PACRGL: variants seen among roughly 807,000 people sequenced by gnomAD.
PACRGL encodes the protein PACRG-like protein.
Under a neutral mutation model 34.5 loss-of-function variants are expected in PACRGL, and 38 were observed. The observed-to-expected ratio is 1.10, with a 90% CI of 0.85 to 1.44. PACRGL has a LOEUF of 1.44. PACRGL is among the 40% of genes most tolerant of loss of function. The pLI is 0.00. For synonymous variants in PACRGL, 128 were observed against 100.1 expected (o/e 1.28, Z -1.66); for missense variants, 305 against 281.4 (o/e 1.08, Z -0.60).
At chr4:20,702,051 T>C (rs1732409388) in intron 1 of PACRGL, 7 of 438,672 alleles carry the variant, frequency 1.6e-5, no homozygotes, top group Non-Finnish European at 3.2e-5. Flanking sequence ...CTGTAGAAGC[T>C]CGATTTTCTA....
intron 7 of PACRGL, among the ~76,000 whole-genome samples, chr4:20,720,219 G>A (rs553249899): frequency 6.6e-6 from 1 of 151,992 alleles, no homozygotes; most frequent in Non-Finnish European, 1.5e-5. Flanking sequence ...GAGCCTATGT[G>A]TGTCTCTGCA....
chr4:20,706,297 A>G (rs1467354936), intron 3 of PACRGL, among the ~76,000 whole-genome samples: 1 of 152,120 alleles, frequency 6.6e-6, no homozygotes, highest in African/African-American at 2.4e-5. Flanking sequence ...GGTATATTGA[A>G]ATTTTAGGGA....
chr4:20,732,699 G>A (rs368576905), downstream of PACRGL: 34 of 1,609,992 alleles, frequency 2.1e-5, no homozygotes, highest in African/African-American at 5.3e-5. Context: ...ATGTTTCAAC[G>A]TGTTGTCTGG....
chr4:20,750,553 ATTC>A (rs1192661392), intron 8 of PACRGL, among the ~76,000 whole-genome samples: 2 of 150,990 alleles, frequency 1.3e-5, no homozygotes, highest in African/African-American at 2.4e-5. Context: ...TCTATTGGGT[ATTC>A]TTCCCCTCTC....
rs1426571103 is a variant in PACRGL at position 20,700,611 on chromosome 4, G to T, written c.-193G>T. On this transcript the variant is annotated 5_prime_UTR_variant, in exon 1 of 9. Coordinates refer to ENST00000503585, the MANE Select transcript of PACRGL (RefSeq NM_001258345.3). Reference sequence around the variant, plus strand: ...CGGGTCCCCGGAGCCGTGAACCGCGGGTACAGGTGTCCTGTCTGCGCTCTC... The same window carrying T: ...CGGGTCCCCGGAGCCGTGAACCGCGTGTACAGGTGTCCTGTCTGCGCTCTC... 1.3e-5 allele frequency: 2 copies of T among 152,104 alleles called. No homozygotes were observed. Among genetic ancestry groups the T allele is most frequent in the African/African-American group, 4.8e-5 (2 of 41,414 alleles). 9.4% of individuals were successfully genotyped at this position (152,104 alleles called of 1,614,324 possible).
At chr4:20,762,372 A>G in the PACRGL span, among the ~76,000 whole-genome samples, 4 of 152,240 alleles carry the variant, frequency 2.6e-5, no homozygotes, top group African/African-American at 9.6e-5. Flanking sequence ...GGACACAAAC[A>G]TTCAGACCAT....
intron 1 of PACRGL, chr4:20,702,228 A>G (rs2149030357): frequency 2.2e-6 from 1 of 456,586 alleles, no homozygotes; most frequent in Non-Finnish European, 4.4e-6. Context: ...ATTGGTAGGT[A>G]GTATTGAAAA....
chr4:20,759,548 T>C, the PACRGL span, among the ~76,000 whole-genome samples: 1 of 152,108 alleles, frequency 6.6e-6, no homozygotes, highest in Non-Finnish European at 1.5e-5. Context: ...ATGATGGACA[T>C]TGATCTTGGG....
At position 20,731,521 on chromosome 4, in the gene PACRGL, T is replaced by C. The variant is rs916700717; in HGVS notation, c.*4180T>C. ...TTTATTTTTTGTGACTGAAGACCAT[T>C]AGTGAGTTCAGTCAAAGAGCCATTT... On this transcript the variant is annotated 3_prime_UTR_variant, in exon 9 of 9. Transcript: ENST00000503585. 14 of 985,284 alleles carry C rather than the reference T, an allele frequency of 1.4e-5. No homozygotes were observed. Among genetic ancestry groups the C allele is most frequent in the Non-Finnish European group, 1.4e-5 (12 of 829,920 alleles). 61.0% of individuals were successfully genotyped at this position (985,284 alleles called of 1,614,324 possible).
chr4:20,730,169 C>G lies in PACRGL; in HGVS notation c.*2828C>G. ...CACAGAGCGATTAAATTCAGCATAT[C>G]TGCAAGGAAAAGTACACTATTTTGC... is the stretch of plus-strand genomic sequence containing the variant. On this transcript the variant is annotated 3_prime_UTR_variant, in exon 9 of 9. Transcript: ENST00000503585. 1 of 1,582,306 alleles carries G rather than the reference C, an allele frequency of 6.3e-7. No homozygotes were observed. Among genetic ancestry groups the G allele is most frequent in the Non-Finnish European group, 8.6e-7 (1 of 1,165,702 alleles).
chr4:20,707,784 T>C lies in PACRGL; in HGVS notation c.208-19T>C, dbSNP rs1327838097. 6.2e-7 allele frequency: 1 copy of C among 1,607,868 alleles called. No homozygotes were observed. The highest frequency in any genetic ancestry group is 1.1e-5 in the South Asian group (1 of 90,906). Reference sequence around the variant, plus strand: ...CTCAGAAGTATAGGTGATAGTAATATTTTCATTTTTTATTTTAGTTTGGTG... The same window carrying C: ...CTCAGAAGTATAGGTGATAGTAATACTTTCATTTTTTATTTTAGTTTGGTG... On this transcript the variant is annotated intron_variant, in intron 3 of 8. Coordinates refer to ENST00000503585, the MANE Select transcript of PACRGL (RefSeq NM_001258345.3).
chr4:20,712,794 A>G lies in PACRGL; in HGVS notation c.373A>G (p.Arg125Gly). 1 of 1,554,382 alleles carries G rather than the reference A, an allele frequency of 6.4e-7. No homozygotes were observed. Among genetic ancestry groups the G allele is most frequent in the South Asian group, 1.2e-5 (1 of 80,994 alleles). The change falls in exon 6 of 9, where the codon AGA (arginine) becomes GGA (glycine). Residue 125 changes from arginine to glycine, a missense_variant. Physicochemically the swap from Arg to Gly is moderately radical, Grantham distance 125. Transcript: ENST00000503585. ...TCCTCTTGGTCTTTGTCAGGGTCTGAGAGAGACTAAGCATCCATACACTTT... is the reference window on the plus strand; with the variant it reads ...TCCTCTTGGTCTTTGTCAGGGTCTGGGAGAGACTAAGCATCCATACACTTT... Reference protein sequence around the residue: ...PLLITLAEGLRETKHPYTFVS... With the variant: ...PLLITLAEGLGETKHPYTFVS...
At chr4:20,756,554 A>G (rs1754474499), downstream of PACRGL, among the ~76,000 whole-genome samples, 1 of 152,082 alleles carries the variant, frequency 6.6e-6, no homozygotes, top group African/African-American at 2.4e-5. Context: ...TCACTCTTCC[A>G]GCAAAGCTTT....
intron 7 of PACRGL, 115 bp from the exon 8 acceptor site, chr4:20,724,693 C>G (rs1485874964): frequency 8.6e-6 from 4 of 466,898 alleles, no homozygotes; most frequent in Non-Finnish European, 1.4e-5. Context: ...GAGATGCTTC[C>G]TAAAAAAAGC....
At position 20,700,589 on chromosome 4, in the gene PACRGL, G is replaced by A. The variant is rs1217613781; in HGVS notation, c.-215G>A. 2 of 152,148 alleles carry A rather than the reference G, an allele frequency of 1.3e-5. No individual in the cohort carries two copies. The highest frequency in any genetic ancestry group is 2.1e-4 in the South Asian group (1 of 4,820). 9.4% of individuals were successfully genotyped at this position (152,148 alleles called of 1,614,324 possible). On this transcript the variant is annotated 5_prime_UTR_variant, in exon 1 of 9. Transcript: ENST00000503585. ...CGGGAGAGAGGCGCGGTAGGAACGG[G>A]TCCCCGGAGCCGTGAACCGCGGGTA...
chr4:20,707,917 G>A (rs201041637), intron 4 of PACRGL, 47 bp downstream of exon 4: 2 of 1,330,094 alleles, frequency 1.5e-6, no homozygotes, highest in African/African-American at 2.9e-5. Flanking sequence ...CAAAATCATT[G>A]AGTAAAATGA....
downstream of PACRGL, among the ~76,000 whole-genome samples, chr4:20,736,200 A>G (rs1391594057): frequency 2.0e-5 from 3 of 152,222 alleles, no homozygotes; most frequent in Non-Finnish European, 2.9e-5. Context: ...ATACACAAGT[A>G]TAAGATATAT....
At chr4:20,762,338 G>T in the PACRGL span, among the ~76,000 whole-genome samples, 1 of 152,136 alleles carries the variant, frequency 6.6e-6, no homozygotes, top group Non-Finnish European at 1.5e-5. Flanking sequence ...TGGGGGTTAG[G>T]ATTTCAACAT....
In PACRGL at chr4:20,730,074, T is replaced by G; in HGVS notation, c.*2733T>G. The stretch of plus-strand genomic sequence containing the variant: ...TTTGTCTGTTGGATTCAGGATCTAT[T>G]TGACAAGTTAAATCACATTTTCAAA... On this transcript the variant is annotated 3_prime_UTR_variant, in exon 9 of 9. Transcript: ENST00000503585. 6.2e-7 allele frequency: 1 copy of G among 1,607,290 alleles called. No individual in the cohort carries two copies. The highest frequency in any genetic ancestry group is 8.5e-7 in the Non-Finnish European group (1 of 1,177,708).
Sources: allele counts gnomAD v4.1 joint callset (sites outside exome capture counted in the v4.1 genomes callset), GRCh38; gene constraint gnomAD v4.1.1; transcripts MANE v1.5; gene names NCBI Gene and HGNC (gene_info 2026-07-23, HGNC 2026-07-21).